SGCD: variants seen among roughly 807,000 people sequenced by gnomAD.
SGCD encodes the protein delta-sarcoglycan.
Under a neutral mutation model 36.6 loss-of-function variants are expected in SGCD, and 18 were observed. The ratio of observed to expected loss-of-function variants is 0.49; its 90% CI spans 0.34 to 0.73. The LOEUF is 0.73. Ranked by LOEUF, SGCD falls within the 30% of genes least tolerant of loss-of-function variation. The probability of loss-of-function intolerance (pLI) is 0.01; values close to 1 mark genes in which losing one functional copy is unlikely to be tolerated. For synonymous variants in SGCD, 133 were observed against 130.6 expected, an observed-to-expected ratio of 1.02 and a Z score of -0.12; for missense variants, 387 against 346.7, an observed-to-expected ratio of 1.12 and a Z score of -0.92.
chr5:155,784,868 C>G, the SGCD span, among the ~76,000 whole-genome samples: 1 of 151,754 alleles, frequency 6.6e-6, no homozygotes, highest in Non-Finnish European at 1.5e-5. Flanking sequence ...TAAAATATGA[C>G]TTTATTTTTT....
intron 1 of SGCD, among the ~76,000 whole-genome samples, chr5:156,078,926 C>T (rs939081638): frequency 1.3e-5 from 2 of 148,856 alleles, no homozygotes; most frequent in Admixed American, 1.4e-4. Context: ...AAATACTAAA[C>T]AATTCCAACC....
the SGCD span, among the ~76,000 whole-genome samples, chr5:155,853,185 G>A: frequency 1.3e-5 from 2 of 149,284 alleles, no homozygotes; most frequent in Non-Finnish European, 2.9e-5. Context: ...TATTATTACT[G>A]TTATTTAACA....
At chr5:156,517,309 A>G (rs1561749486) in intron 4 of SGCD, among the ~76,000 whole-genome samples, 1 of 152,192 alleles carries the variant, frequency 6.6e-6, no homozygotes, top group Non-Finnish European at 1.5e-5. Context: ...ATGAAATGGA[A>G]TGAACAAAGC....
At chr5:155,792,241 A>G in the SGCD span, among the ~76,000 whole-genome samples, 1 of 152,110 alleles carries the variant, frequency 6.6e-6, no homozygotes, top group African/African-American at 2.4e-5. Context: ...TTCACCATAT[A>G]TAAAAATTAA....
chr5:156,375,836 T>C (rs1770635816), intron 3 of SGCD, among the ~76,000 whole-genome samples: 1 of 152,070 alleles, frequency 6.6e-6, no homozygotes, highest in African/African-American at 2.4e-5. Context: ...CTATACAGAG[T>C]TTATTTTGGA....
chr5:156,763,798 G>A lies in SGCD; in HGVS notation c.*4408G>A, dbSNP rs1757538732. On this transcript the variant is annotated 3_prime_UTR_variant, in exon 9 of 9. Transcript: ENST00000337851. The stretch of plus-strand genomic sequence containing the variant: ...GGGGAGGAAGGAATTTTTTTTAAAT[G>A]TAAATGACCCCCATTTACCAGACCC... The A allele has an allele frequency of 6.6e-6, 1 of 151,422 alleles. No homozygotes were observed. Among genetic ancestry groups the A allele is most frequent in the Non-Finnish European group, 1.5e-5 (1 of 67,946 alleles). The allele number at this position is 151,422 out of a possible 1,614,324, so 9.4% of individuals were successfully genotyped here. A position where few individuals can be genotyped will look rare whatever the true frequency, so the allele number is the denominator to read the frequency against.
At chr5:156,556,063 G>T (rs1437334236) in intron 4 of SGCD, among the ~76,000 whole-genome samples, 1 of 147,026 alleles carries the variant, frequency 6.8e-6, no homozygotes, top group Non-Finnish European at 1.5e-5. Flanking sequence ...TTATTTAATT[G>T]TCTTAACAGT....
At chr5:155,734,465 G>T in the SGCD span, among the ~76,000 whole-genome samples, 1 of 151,950 alleles carries the variant, frequency 6.6e-6, no homozygotes, top group Non-Finnish European at 1.5e-5. Flanking sequence ...TCCATCCTTG[G>T]CCTCGCAAAG....
intron 3 of SGCD, among the ~76,000 whole-genome samples, chr5:156,451,024 C>A (rs1753984997): frequency 6.6e-6 from 1 of 151,950 alleles, no homozygotes. Context: ...CATGTACTTT[C>A]TTTTTTCCTT....
chr5:156,731,091 G>A (rs1055626906), intron 7 of SGCD, among the ~76,000 whole-genome samples: 1 of 151,832 alleles, frequency 6.6e-6, no homozygotes, highest in Non-Finnish European at 1.5e-5. Context: ...TTTTAACGAG[G>A]TTTTTTTGCA....
At position 156,726,908 on chromosome 5, in the gene SGCD, A is replaced by T. The variant is rs140119279; in HGVS notation, c.576-30673A>T. Among the ~76,000 whole-genome samples, 1,119 of 152,336 alleles carry T rather than the reference A, an allele frequency of 7.3e-3. 5 individuals are homozygous for T. Among genetic ancestry groups the T allele is most frequent in the Non-Finnish European group, 0.012 (844 of 68,030 alleles). On this transcript the variant is annotated intron_variant, in intron 7 of 8. Transcript: ENST00000337851. The stretch of plus-strand genomic sequence containing the variant: ...AAGTTACTTAACCTCTCTGTGCCTC[A>T]GTTTTCTGGATGCAAAACAGGGATA...
At chr5:155,959,348 C>T (rs150822745) in intron 1 of SGCD, among the ~76,000 whole-genome samples, 1 of 152,274 alleles carries the variant, frequency 6.6e-6, no homozygotes, top group East Asian at 1.9e-4. Context: ...AGGTTCCTTC[C>T]TTATGTTTTC....
rs549851031 is a variant in SGCD at position 156,591,995 on chromosome 5, T to C, written c.382+2677T>C. On this transcript the variant is annotated intron_variant, in intron 5 of 8. Transcript: ENST00000337851. ...TCTTGGTGAATTCCACTTTATGTTCTGTGAAGCCCTGAAAAGCAAGATAGC... is the reference window on the plus strand; with the variant it reads ...TCTTGGTGAATTCCACTTTATGTTCCGTGAAGCCCTGAAAAGCAAGATAGC... Among the ~76,000 whole-genome samples the C allele has an allele frequency of 4.8e-4, 73 of 152,218 alleles. 1 individual carries two copies. Among genetic ancestry groups the C allele is most frequent in the Non-Finnish European group, 9.1e-4 (62 of 68,032 alleles).
intron 6 of SGCD, among the ~76,000 whole-genome samples, chr5:156,621,424 C>T (rs546453030): frequency 6.6e-6 from 1 of 152,224 alleles, no homozygotes; most frequent in Non-Finnish European, 1.5e-5. Flanking sequence ...AATTCCTGAC[C>T]TCGTAATCTT....
chr5:155,793,776 T>C, the SGCD span, among the ~76,000 whole-genome samples: 4 of 152,016 alleles, frequency 2.6e-5, no homozygotes, highest in African/African-American at 4.8e-5. Flanking sequence ...CTCAAACTCC[T>C]GACCTCAGGC....
chr5:156,655,168 G>A (rs1313959176), intron 7 of SGCD, among the ~76,000 whole-genome samples: 1 of 152,076 alleles, frequency 6.6e-6, no homozygotes, highest in African/African-American at 2.4e-5. Flanking sequence ...GACACAGACT[G>A]TCTTTTAAAA....
intron 1 of SGCD, among the ~76,000 whole-genome samples, chr5:156,000,690 G>A (rs147013787): frequency 4.3e-4 from 65 of 151,882 alleles, no homozygotes; most frequent in African/African-American, 1.4e-3. Flanking sequence ...AAGCCCCTCC[G>A]AGGAACCCTA....
At chr5:156,602,700 A>C (rs777595209) in intron 6 of SGCD, among the ~76,000 whole-genome samples, 1 of 152,108 alleles carries the variant, frequency 6.6e-6, no homozygotes, top group Non-Finnish European at 1.5e-5. Context: ...TAAAATGATC[A>C]TATGGTTTTT....
At chr5:155,977,989 G>C (rs1758152954) in intron 1 of SGCD, among the ~76,000 whole-genome samples, 1 of 152,110 alleles carries the variant, frequency 6.6e-6, no homozygotes, top group Non-Finnish European at 1.5e-5. Flanking sequence ...AGCTACTCGG[G>C]ATCCTGAGGC....
Sources: gnomAD v4.1 joint callset for allele counts (sites outside exome capture counted in the v4.1 genomes callset) on GRCh38, gnomAD v4.1.1 for gene constraint, MANE v1.5 for transcripts, NCBI Gene and HGNC (gene_info 2026-07-23, HGNC 2026-07-21) for gene names.